The following IL17RA variants were observed in gnomAD, a reference collection of about 807,000 sequenced individuals.
IL17RA encodes interleukin 17 receptor A.
A neutral mutation model predicts 50.4 loss-of-function variants in IL17RA; 34 were observed. That is an observed-to-expected ratio of 0.67 (90% CI 0.51 to 0.90). IL17RA has a LOEUF of 0.90. Ranked by LOEUF, IL17RA falls within the 40% of genes least tolerant of loss-of-function variation. The pLI, the probability that IL17RA is intolerant of heterozygous loss-of-function variation, is 0.00. For missense variants in IL17RA, 1,276 were observed against 1,169.8 expected, an observed-to-expected ratio of 1.09 and a Z score of -1.32; for synonymous variants, 585 against 510.4, an observed-to-expected ratio of 1.15 and a Z score of -1.97.
At chr22:17,090,362 A>T (rs537021234) in intron 1 of IL17RA, among the ~76,000 whole-genome samples, 2 of 152,314 alleles carry the variant, frequency 1.3e-5, no homozygotes, top group South Asian at 2.1e-4. Context: ...CCACTAAACA[A>T]ATTAATGTTT....
At chr22:17,092,143 A>G (rs1396668648) in intron 1 of IL17RA, among the ~76,000 whole-genome samples, 4 of 152,132 alleles carry the variant, frequency 2.6e-5, no homozygotes, top group Non-Finnish European at 5.9e-5. Context: ...TTAATCAGTC[A>G]TGCTCACATG....
intron 1 of IL17RA, among the ~76,000 whole-genome samples, chr22:17,089,054 C>T (rs1162349059): frequency 2.6e-5 from 4 of 152,096 alleles, no homozygotes; most frequent in African/African-American, 4.8e-5. Context: ...CCTCGGCCTC[C>T]CAAAATGCTG....
intron 1 of IL17RA, among the ~76,000 whole-genome samples, chr22:17,089,908 G>A (rs1205497173): frequency 6.7e-6 from 1 of 150,144 alleles, no homozygotes; most frequent in Non-Finnish European, 1.5e-5. Context: ...TTTGAAATTA[G>A]GGATGACTAT....
Position 17,097,862 on chromosome 22 carries a change from C to A in IL17RA, c.229C>A (p.Gln77Lys). 6.2e-7 allele frequency: 1 copy of A among 1,614,208 alleles called. No individual in the cohort carries two copies. The change falls in exon 3 of 13, where the codon CAG becomes AAG. Residue 77 changes from glutamine to lysine, a missense_variant. Gln to Lys is a moderately conservative substitution (Grantham distance 53). Transcript: ENST00000319363. The stretch of plus-strand genomic sequence containing the variant: ...GACCCCCTCCTCCCCAAAGGACCTG[C>A]AGATCCAGCTGCACTTTGCCCACAC... ...NLTPSSPKDLQIQLHFAHTQQ... is the reference protein window; with the variant it reads ...NLTPSSPKDLKIQLHFAHTQQ...
chr22:17,085,207 G>A lies in IL17RA; in HGVS notation c.116G>A (p.Arg39Gln). ...GGASLRLLDH[R>Q]ALVCSQPGLN... ...GCCTCCCTGCGACTCCTGGACCACCGGGCGCTGGTCTGCTCCCAGCCGGTG... is the reference window on the plus strand; with the variant it reads ...GCCTCCCTGCGACTCCTGGACCACCAGGCGCTGGTCTGCTCCCAGCCGGTG... Residue 39 changes from arginine to glutamine, a missense_variant, in exon 1 of 13, where the codon CGG (arginine) becomes CAG (glutamine). Arg to Gln is a conservative substitution (Grantham distance 43). Transcript: ENST00000319363. 2 of 1,532,748 alleles carry A rather than the reference G, an allele frequency of 1.3e-6. No homozygotes were observed. The highest frequency in any genetic ancestry group is 1.7e-6 in the Non-Finnish European group (2 of 1,144,144). The allele number at this position is 1,532,748 out of a possible 1,614,324, so 94.9% of individuals were successfully genotyped here.
rs772508669 is a variant in IL17RA at position 17,108,353 on chromosome 22, G to A, written c.1134G>A (p.Arg378=). ...TGATCCCCCCACCGCTGAAGCCCAG[G>A]AAGGTCTGGATCATCTACTCAGCCG... is the stretch of plus-strand genomic sequence containing the variant. The part of the protein sequence containing the change: ...ADLIPPPLKP[R]KVWIIYSADH... The change falls in exon 13 of 13, where the codon AGG becomes AGA. Residue 378 remains arginine, a synonymous_variant. Coordinates refer to ENST00000319363, the MANE Select transcript of IL17RA (RefSeq NM_014339.7). The A allele has an allele frequency of 6.2e-6, 10 of 1,614,036 alleles. No homozygotes were observed. The East Asian group carries it at 6.7e-5, about 11-fold the overall frequency.
chr22:17,103,348 G>A, intron 7 of IL17RA, 146 bp from the exon 8 acceptor site: 1 of 693,158 alleles, frequency 1.4e-6, no homozygotes, highest in Non-Finnish European at 2.6e-6. Flanking sequence ...GTTTTTTTCT[G>A]GAATAGAAAC....
rs117876227 is a variant in IL17RA, at chr22:17,095,815, G to A, written c.139-1247G>A. Among the ~76,000 whole-genome samples the A allele has an allele frequency of 1.1e-3, 171 of 152,292 alleles. 6 individuals carry two copies. The East Asian group carries it at 0.016, about 14-fold the overall frequency. ...AGAATTCAGGAGCTGAACAGGGCGA[G>A]AAGCACTTATGAACTGGGGTCCCAG... is the stretch of plus-strand genomic sequence containing the variant. On this transcript the variant is annotated intron_variant, in intron 1 of 12. Coordinates refer to ENST00000319363, the MANE Select transcript of IL17RA (RefSeq NM_014339.7).
Position 17,109,167 on chromosome 22 carries a change from C to A in IL17RA, c.1948C>A (p.Leu650Met). Residue 650 changes from leucine (L) to methionine (M), a missense_variant, in exon 13 of 13, where the codon CTG becomes ATG. Coordinates refer to ENST00000319363, the MANE Select transcript of IL17RA (RefSeq NM_014339.7). Reference protein sequence around the residue: ...GEEGGAAVAKLEPHLQPRGQP... With the variant: ...GEEGGAAVAKMEPHLQPRGQP... ...GGAAGGAGGAGCAGCAGTGGCAAAG[C>A]TGGAACCTCACCTGCAGCCCCGGGG... The A allele has an allele frequency of 6.5e-7, 1 of 1,530,166 alleles. No individual in the cohort carries two copies. The allele number at this position is 1,530,166 out of a possible 1,614,324, so 94.8% of individuals were successfully genotyped here.
intron 11 of IL17RA, 58 bp from the exon 12 acceptor site, chr22:17,107,669 G>A (rs1275022251): frequency 4.0e-5 from 57 of 1,442,416 alleles, no homozygotes; most frequent in Non-Finnish European, 5.2e-5. Context: ...CACCCTGTGA[G>A]CTGGTTTCTA....
rs1365462483 is a variant in IL17RA, at chr22:17,108,737, G to A, written c.1518G>A (p.Glu506=). The change falls in exon 13 of 13, where the codon GAG becomes GAA. Residue 506 remains glutamate (E), a synonymous_variant. Coordinates refer to ENST00000319363, the MANE Select transcript of IL17RA (RefSeq NM_014339.7). The part of the protein sequence containing the change: ...FGTYVVCYFS[E]VSCDGDVPDL... ...CCTACGTAGTCTGCTACTTCAGCGA[G>A]GTCAGCTGTGACGGCGACGTCCCCG... 1 of 1,611,830 alleles carries A rather than the reference G, an allele frequency of 6.2e-7. No individual in the cohort carries two copies. The highest frequency in any genetic ancestry group is 8.5e-7 in the Non-Finnish European group (1 of 1,179,764).
intron 3 of IL17RA, 82 bp from the exon 4 acceptor site, chr22:17,098,693 G>A (rs754207911): frequency 4.2e-5 from 46 of 1,099,728 alleles, no homozygotes; most frequent in Non-Finnish European, 5.5e-5. Context: ...GTGAACAACC[G>A]CAACAGATAG....
rs2061360235 is a variant in IL17RA, at chr22:17,094,669, C to CTATATATATATATATATATGTG, written c.139-2392_139-2391insATATATATATATATATATGTGT. Among the ~76,000 whole-genome samples the CTATATATATATATATATATGTG allele has an allele frequency of 1.3e-3, 32 of 24,236 alleles. 1 individual carries two copies. The highest frequency in any genetic ancestry group is 2.7e-3 in the Non-Finnish European group (28 of 10,462). The allele number at this position is 24,236 out of a possible 152,430, so 15.9% of individuals were successfully genotyped here. On this transcript the variant is annotated intron_variant, in intron 1 of 12. Transcript: ENST00000319363. ...AGTCATACACACACTCTCTCTCTCT[C>CTATATATATATATATATATGTG]TCTCTCTCTCTCTCTCTCTCTCTAT...
At position 17,111,606 on chromosome 22, in the gene IL17RA, G is replaced by A. The variant is rs917949760; in HGVS notation, c.*1786G>A. 5.9e-5 allele frequency: 9 copies of A among 152,174 alleles called. No homozygotes were observed. The highest frequency in any genetic ancestry group is 1.2e-4 in the Non-Finnish European group (8 of 68,024). 9.4% of individuals were successfully genotyped at this position (152,174 alleles called of 1,614,324 possible). ...GTCCTGAAGAACACATTGAGGTGCCGTCTGACACTGGAATAGGGTGCCCTT... is the reference window on the plus strand; with the variant it reads ...GTCCTGAAGAACACATTGAGGTGCCATCTGACACTGGAATAGGGTGCCCTT... On this transcript the variant is annotated 3_prime_UTR_variant, in exon 13 of 13. Coordinates refer to ENST00000319363, the MANE Select transcript of IL17RA (RefSeq NM_014339.7).
intron 11 of IL17RA, among the ~76,000 whole-genome samples, chr22:17,106,155 G>A (rs2061413932): frequency 6.6e-6 from 1 of 152,254 alleles, no homozygotes; most frequent in South Asian, 2.1e-4. Context: ...CACAGTATCT[G>A]TTAGCCACGA....
At chr22:17,098,311 C>T (rs949072624) in intron 3 of IL17RA, among the ~76,000 whole-genome samples, 4 of 152,220 alleles carry the variant, frequency 2.6e-5, no homozygotes, top group African/African-American at 9.6e-5. Context: ...TTTAAAACGT[C>T]CCCCAAGCCT....
At chr22:17,104,354 AGAGT>A (rs1459648250) in intron 8 of IL17RA, among the ~76,000 whole-genome samples, 1 of 113,516 alleles carries the variant, frequency 8.8e-6, no homozygotes, top group African/African-American at 3.6e-5. Context: ...ACAGGTGGAG[AGAGT>A]GGTGTGGCTG....
At chr22:17,094,666 T>TCTCTCTCTCTCTCTCTCCCC (rs1601338826) in intron 1 of IL17RA, among the ~76,000 whole-genome samples, 2 of 38,528 alleles carry the variant, frequency 5.2e-5, no homozygotes, top group African/African-American at 1.6e-4. Flanking sequence ...ACTCTCTCTC[T>TCTCTCTCTCTCTCTCTCCCC]CTCTCTCTCT....
At chr22:17,086,348 T>C (rs531992763) in intron 1 of IL17RA, among the ~76,000 whole-genome samples, 1 of 147,026 alleles carries the variant, frequency 6.8e-6, no homozygotes, top group East Asian at 2.0e-4. Flanking sequence ...CGAAAGAAGG[T>C]GGAGGGTGAG....
Sources: allele counts gnomAD v4.1 joint callset (sites outside exome capture counted in the v4.1 genomes callset), GRCh38; gene constraint gnomAD v4.1.1; transcripts MANE v1.5; gene names NCBI Gene and HGNC (gene_info 2026-07-23, HGNC 2026-07-21).